Variants in CWF19L2 observed in about 807,000 individuals in gnomAD.
CWF19L2 encodes CWF19 like cell cycle control factor 2.
Under a neutral mutation model 111.7 loss-of-function variants are expected in CWF19L2, and 98 were observed. The observed-to-expected ratio is 0.88, with a 90% CI of 0.75 to 1.04. CWF19L2 has a LOEUF of 1.04. Ranked by LOEUF, CWF19L2 falls within the 50% of genes least tolerant of loss-of-function variation. The pLI, the probability that CWF19L2 is intolerant of heterozygous loss-of-function variation, is 0.00. For missense variants in CWF19L2, 1,101 were observed against 1,051.4 expected (o/e 1.05, Z -0.65); for synonymous variants, 351 against 342.9 (o/e 1.02, Z -0.26).
intron 12 of CWF19L2, among the ~76,000 whole-genome samples, chr11:107,384,769 C>T (rs1236282920): frequency 6.6e-6 from 1 of 152,118 alleles, no homozygotes; most frequent in African/African-American, 2.4e-5. Context: ...TACTGTCTGG[C>T]CCTTTACAAG....
chr11:107,391,356 A>G (rs1814589206), intron 11 of CWF19L2, among the ~76,000 whole-genome samples: 1 of 152,174 alleles, frequency 6.6e-6, no homozygotes, highest in African/African-American at 2.4e-5. Flanking sequence ...GAAGACTATC[A>G]TCTACAAACC....
chr11:107,331,952 G>A (rs1014670855), intron 16 of CWF19L2, among the ~76,000 whole-genome samples: 26 of 152,124 alleles, frequency 1.7e-4, no homozygotes, highest in Non-Finnish European at 4.4e-5. Context: ...TTTCTGCACT[G>A]GCCAGTCAGA....
At chr11:107,456,788 A>C (rs1028075273) in intron 1 of CWF19L2, among the ~76,000 whole-genome samples, 15 of 152,188 alleles carry the variant, frequency 9.9e-5, no homozygotes, top group African/African-American at 3.6e-4. Flanking sequence ...AGAAAAATCG[A>C]TATCAGAGAA....
intron 16 of CWF19L2, 33 bp from the exon 17 acceptor site, chr11:107,330,052 A>G: frequency 7.4e-7 from 1 of 1,360,494 alleles, no homozygotes; most frequent in Non-Finnish European, 1.0e-6. Context: ...AATGGAATAC[A>G]GTATGAAACC....
At chr11:107,380,348 T>C (rs536421043) in intron 12 of CWF19L2, among the ~76,000 whole-genome samples, 11 of 152,180 alleles carry the variant, frequency 7.2e-5, no homozygotes, top group Admixed American at 2.0e-4. Flanking sequence ...GATGAATTCA[T>C]TGATTAAATA....
Position 107,367,497 on chromosome 11 carries a change from A to C in CWF19L2, c.1873-13761T>G, listed in dbSNP as rs546275752. On this transcript the variant is annotated intron_variant, in intron 12 of 17. Transcript: ENST00000282251. ...ATACACCATGGAATACTATGCAGCC[A>C]TAAAAAATGATGAGTTCATGTCCTT... 8.4e-5 allele frequency among the ~76,000 whole-genome samples: 11 copies of C among 131,310 alleles called. 2 individuals are homozygous for C. The East Asian group carries it at 9.1e-4, about 11-fold the overall frequency. 86.1% of individuals were successfully genotyped at this position (131,310 alleles called of 152,430 possible). A position where few individuals can be genotyped will look rare whatever the true frequency, so the allele number is the denominator to read the frequency against.
chr11:107,415,039 G>GA (rs936968035), intron 10 of CWF19L2, among the ~76,000 whole-genome samples: 13 of 151,848 alleles, frequency 8.6e-5, no homozygotes, highest in African/African-American at 1.4e-4. Context: ...ACCTCAGTCA[G>GA]AAAAAAAAGT....
Position 107,418,280 on chromosome 11 carries a change from C to A in CWF19L2, c.1441G>T (p.Glu481Ter). 1 of 1,608,644 alleles carries A rather than the reference C, an allele frequency of 6.2e-7. No homozygotes were observed. The highest frequency in any genetic ancestry group is 1.1e-5 in the South Asian group (1 of 90,964). Residue 481 changes from glutamate (E) to a stop codon, truncating the protein, a stop_gained, in exon 9 of 18, where the codon GAG becomes TAG. Transcript: ENST00000282251. LOFTEE classifies it high-confidence loss of function. Reference sequence around the variant, plus strand: ...CTCAGGATGTGAATGGACTCACGCTCTGGACTGCTATTGGAATAGGAAAGA... The same window carrying A: ...CTCAGGATGTGAATGGACTCACGCTATGGACTGCTATTGGAATAGGAAAGA... ...DTKSTFAGSP[E>*]RESIHILSVD...
At chr11:107,449,316 T>C (rs1861746480) in intron 3 of CWF19L2, among the ~76,000 whole-genome samples, 1 of 152,156 alleles carries the variant, frequency 6.6e-6, no homozygotes, top group Non-Finnish European at 1.5e-5. Flanking sequence ...TGCAAATCCA[T>C]ATTATAATAC....
chr11:107,404,219 ACT>A, intron 10 of CWF19L2: 1 of 777,170 alleles, frequency 1.3e-6, no homozygotes, highest in South Asian at 1.3e-5. Context: ...AATTCATTGT[ACT>A]CTTTCTGCTT....
chr11:107,358,073 A>T (rs945673969), intron 12 of CWF19L2, among the ~76,000 whole-genome samples: 14 of 152,220 alleles, frequency 9.2e-5, no homozygotes, highest in Admixed American at 2.0e-4. Context: ...GATGGCTACA[A>T]TCAAATAGAC....
At chr11:107,450,864 T>C (rs1446890215) in intron 3 of CWF19L2, among the ~76,000 whole-genome samples, 1 of 152,046 alleles carries the variant, frequency 6.6e-6, no homozygotes, top group African/African-American at 2.4e-5. Context: ...AGGCAAAAAC[T>C]GACAAAACTG....
intron 9 of CWF19L2, 96 bp downstream of exon 9, chr11:107,418,098 T>C (rs1861253440): frequency 1.3e-6 from 1 of 774,434 alleles, no homozygotes; most frequent in Non-Finnish European, 2.3e-6. Context: ...ATTTTCACAG[T>C]GTGCTATATC....
chr11:107,345,405 G>A (rs560501082), intron 14 of CWF19L2: 32 of 401,898 alleles, frequency 8.0e-5, no homozygotes, highest in Non-Finnish European at 1.2e-4. Flanking sequence ...TAAATAATCC[G>A]AAAATTACCT....
At chr11:107,450,213 G>A (rs907238417) in intron 3 of CWF19L2, among the ~76,000 whole-genome samples, 1 of 151,986 alleles carries the variant, frequency 6.6e-6, no homozygotes, top group Admixed American at 6.6e-5. Context: ...AGACCAGGCT[G>A]GGCAACATGG....
chr11:107,422,235 G>A lies in CWF19L2; in HGVS notation c.1434-3948C>T, dbSNP rs146170074. Among the ~76,000 whole-genome samples, 29 of 152,056 alleles carry A rather than the reference G, an allele frequency of 1.9e-4. No homozygotes were observed. In the East Asian group the frequency reaches 4.3e-3, roughly 22 times the overall value. ...ATACACAGATTTTTTTCACCCAAAC[G>A]TCAATCAAAAATGCAGCATTCATGT... On this transcript the variant is annotated intron_variant, in intron 8 of 17. Transcript: ENST00000282251.
chr11:107,332,906 G>A (rs1859870547), intron 16 of CWF19L2, among the ~76,000 whole-genome samples: 1 of 152,002 alleles, frequency 6.6e-6, no homozygotes, highest in African/African-American at 2.4e-5. Context: ...CAGATCACGA[G>A]GTCAGGAGTT....
chr11:107,337,691 G>C (rs2134526634), intron 14 of CWF19L2, among the ~76,000 whole-genome samples: 1 of 152,204 alleles, frequency 6.6e-6, no homozygotes, highest in Admixed American at 6.5e-5. Flanking sequence ...GAGGTGGGTA[G>C]GTCACCTGAG....
chr11:107,431,374 A>G (rs1861463484), intron 7 of CWF19L2, among the ~76,000 whole-genome samples: 1 of 152,012 alleles, frequency 6.6e-6, no homozygotes, highest in African/African-American at 2.4e-5. Context: ...AATAAAAATA[A>G]CCTCAATGGC....
Sources: allele counts gnomAD v4.1 joint callset (sites outside exome capture counted in the v4.1 genomes callset), GRCh38; gene constraint gnomAD v4.1.1; transcripts MANE v1.5; gene names NCBI Gene and HGNC (gene_info 2026-07-23, HGNC 2026-07-21).